PMS2: variants seen among roughly 807,000 people sequenced by gnomAD.
PMS2 encodes PMS1 homolog 2, mismatch repair system component.
A neutral mutation model predicts 90.0 loss-of-function variants in PMS2; 69 were observed. The ratio of observed to expected loss-of-function variants is 0.77; its 90% CI spans 0.63 to 0.94. The LOEUF (loss-of-function observed/expected upper bound fraction) is 0.94. Ranked by LOEUF, PMS2 falls within the 40% of genes least tolerant of loss-of-function variation. The pLI is 0.00. For synonymous variants in PMS2, 332 were observed against 375.1 expected, an observed-to-expected ratio of 0.89 and a Z score of 1.33; for missense variants, 966 against 1,040.2, an observed-to-expected ratio of 0.93 and a Z score of 0.98.
At chr7:5,978,833 T>C (rs1406829276) in intron 12 of PMS2, 137 bp from the exon 13 acceptor site, 2 of 1,116,446 alleles carry the variant, frequency 1.8e-6, no homozygotes, top group African/African-American at 1.6e-5. Flanking sequence ...ACTACTCAGC[T>C]AAGTGTCACA....
chr7:5,987,092 G>T lies in PMS2; in HGVS notation c.1673C>A (p.Thr558Asn), dbSNP rs114037612. The T allele has an allele frequency of 1.9e-6, 3 of 1,614,102 alleles. No homozygotes were observed. The highest frequency in any genetic ancestry group is 1.7e-5 in the Admixed American group (1 of 59,998). ...AGGCAAAACTCGAAATTTACATCCG[G>T]TATCTTCCTGGTTTGAATGGCAGTC... The part of the protein sequence containing the change: ...DVDCHSNQED[T>N]GCKFRVLPQP... The change falls in exon 11 of 15, where the codon ACC becomes AAC. Residue 558 changes from threonine to asparagine, a missense_variant. By Grantham distance (65) the Thr-to-Asn change is moderately conservative (BLOSUM62 0). Coordinates refer to ENST00000265849, the MANE Select transcript of PMS2 (RefSeq NM_000535.7).
intron 6 of PMS2, among the ~76,000 whole-genome samples, chr7:5,997,969 A>T (rs1365991992): frequency 2.0e-5 from 3 of 151,976 alleles, no homozygotes; most frequent in African/African-American, 2.4e-5. Flanking sequence ...ACAATAACTT[A>T]TATTTTTTTC....
In PMS2 at chr7:5,995,572, A is replaced by C. The variant is rs771787834; in HGVS notation, c.865T>G (p.Phe289Val). Residue 289 changes from phenylalanine (F) to valine (V), a missense_variant, in exon 8 of 15, where the codon TTT (phenylalanine) becomes GTT (valine). By Grantham distance (50) the Phe-to-Val change is conservative. Transcript: ENST00000265849. ...CAAGGCCGCCGGTTGATAAAGAAAA[A>C]CTGTCTGTCTGTTGAACTCCTTCCA... The part of the protein sequence containing the change: ...GVGRSSTDRQ[F>V]FFINRRPCDP... 1.2e-6 allele frequency: 2 copies of C among 1,614,008 alleles called. No individual in the cohort carries two copies. The highest frequency in any genetic ancestry group is 1.7e-6 in the Non-Finnish European group (2 of 1,179,930).
chr7:6,007,375 C>CA (rs1195406985), intron 1 of PMS2, among the ~76,000 whole-genome samples: 1 of 152,124 alleles, frequency 6.6e-6, no homozygotes, highest in Non-Finnish European at 1.5e-5. Flanking sequence ...CTCGGCCTCC[C>CA]AAAGTGCTAG....
chr7:5,994,491 C>T (rs1052454566), intron 8 of PMS2, among the ~76,000 whole-genome samples: 2 of 150,928 alleles, frequency 1.3e-5, no homozygotes, highest in African/African-American at 2.4e-5. Context: ...AATATTGTAT[C>T]TGCTGGGCGC....
chr7:5,988,864 C>T lies in PMS2; in HGVS notation c.1144+936G>A, dbSNP rs572619055. On this transcript the variant is annotated intron_variant, in intron 10 of 14. Transcript: ENST00000265849. ...TTTTGGGTTTTTTTTGTTTGTTTGT[C>T]TGTTTTTTTGAGACGGAGTCTCGCT... 9.2e-4 allele frequency among the ~76,000 whole-genome samples: 139 copies of T among 151,440 alleles called. 1 individual carries two copies. Among genetic ancestry groups the T allele is most frequent in the African/African-American group, 3.3e-3 (137 of 41,462 alleles).
In PMS2 at chr7:5,989,969, G is replaced by T. The variant is rs1554298839; in HGVS notation, c.989-14C>A. On this transcript the variant is annotated splice_polypyrimidine_tract_variant and intron_variant, in intron 9 of 14. Transcript: ENST00000265849. ...TATCAACGCATTCTAAGGCAAAAAA[G>T]AAAACATATTTATTATGTTTAAATT... 1.3e-6 allele frequency: 2 copies of T among 1,521,770 alleles called. No individual in the cohort carries two copies. The highest frequency in any genetic ancestry group is 1.4e-5 in the African/African-American group (1 of 73,076). The allele number at this position is 1,521,770 out of a possible 1,614,324, so 94.3% of individuals were successfully genotyped here.
chr7:5,995,328 C>T (rs189940318), intron 8 of PMS2, among the ~76,000 whole-genome samples: 10 of 152,190 alleles, frequency 6.6e-5, no homozygotes, highest in African/African-American at 2.4e-4. Flanking sequence ...TGAGCCACTG[C>T]GCCCGGACAG....
intron 8 of PMS2, among the ~76,000 whole-genome samples, chr7:5,993,239 C>T (rs1351105573): frequency 2.0e-5 from 3 of 152,024 alleles, no homozygotes; most frequent in Middle Eastern, 3.4e-3. Flanking sequence ...GGCATGGCAG[C>T]ATGTGCCTAT....
At chr7:6,000,260 G>C (rs912014719) in intron 5 of PMS2, among the ~76,000 whole-genome samples, 6 of 151,708 alleles carry the variant, frequency 4.0e-5, no homozygotes, top group Non-Finnish European at 2.9e-5. Flanking sequence ...TGGAGTCCCA[G>C]CTACTTGGGA....
chr7:5,980,746 T>G (rs1782198857), intron 12 of PMS2, among the ~76,000 whole-genome samples: 2 of 122,116 alleles, frequency 1.6e-5, no homozygotes, highest in Non-Finnish European at 3.4e-5. Context: ...GGCGAAAGAG[T>G]GAAACTCTGT....
intron 12 of PMS2, among the ~76,000 whole-genome samples, chr7:5,981,773 C>G (rs1583294705): frequency 6.6e-6 from 1 of 151,758 alleles, no homozygotes; most frequent in East Asian, 1.9e-4. Context: ...GGGCAGGTTA[C>G]TCAACCTCTC....
At chr7:5,994,520 T>A (rs1005578280) in intron 8 of PMS2, among the ~76,000 whole-genome samples, 1 of 152,028 alleles carries the variant, frequency 6.6e-6, no homozygotes, top group Non-Finnish European at 1.5e-5. Flanking sequence ...ACACCTGTAA[T>A]TCCAGCACTT....
At chr7:5,983,088 A>G (rs1180383425) in intron 11 of PMS2, 97 bp from the exon 12 acceptor site, 1 of 1,527,386 alleles carries the variant, frequency 6.5e-7, no homozygotes, top group East Asian at 2.4e-5. Context: ...AAACAATACA[A>G]AAACAAAATA....
rs373114291 is a variant in PMS2 at position 5,987,345 on chromosome 7, C to A, written c.1420G>T (p.Ala474Ser). ...CTGGGTCCGTGACTGGAACTCACTG[C>A]CTCTTTCTGAGGTCTCAGGACGCCT... ...DKGVLRPQKE[A>S]VSSSHGPSDP... is the part of the protein sequence containing the mutation. The change falls in exon 11 of 15, where the codon GCA becomes TCA. Residue 474 changes from alanine to serine, a missense_variant. Ala to Ser is a moderately conservative substitution (Grantham distance 99). Transcript: ENST00000265849. 9.7e-5 allele frequency: 157 copies of A among 1,614,034 alleles called. No individual in the cohort carries two copies. The highest frequency in any genetic ancestry group is 1.3e-4 in the Non-Finnish European group (152 of 1,180,042).
intron 6 of PMS2, among the ~76,000 whole-genome samples, chr7:5,997,723 A>AT (rs1329394417): frequency 6.6e-6 from 1 of 151,800 alleles, no homozygotes; most frequent in Non-Finnish European, 1.5e-5. Context: ...TAATTTTTTA[A>AT]TTTTTTTGTA....
At chr7:6,003,815 G>A (rs2128828058) in intron 3 of PMS2, 23 bp from the exon 4 acceptor site, 2 of 1,482,280 alleles carry the variant, frequency 1.3e-6, no homozygotes, top group Non-Finnish European at 1.9e-6. Context: ...GTAAAGTAAG[G>A]ACTAAGATAT....
At position 5,989,905 on chromosome 7, in the gene PMS2, C is replaced by T. The variant is rs2128748353; in HGVS notation, c.1039G>A (p.Glu347Lys). The T allele has an allele frequency of 6.2e-7, 1 of 1,611,800 alleles. No homozygotes were observed. The highest frequency in any genetic ancestry group is 8.5e-7 in the Non-Finnish European group (1 of 1,178,338). Reference protein sequence around the residue: ...TPDKRQILLQEEKLLLAVLKT... With the variant: ...TPDKRQILLQKEKLLLAVLKT... ...AAAACTGCCAACAAAAGCTTTTCCT[C>T]TTGTAGCAAAATTTGCCTTTTATCT... The change falls in exon 10 of 15, where the codon GAG becomes AAG. Residue 347 changes from glutamate to lysine, a missense_variant. Coordinates refer to ENST00000265849, the MANE Select transcript of PMS2 (RefSeq NM_000535.7).
At chr7:5,996,064 G>T (rs1055868951) in intron 7 of PMS2, among the ~76,000 whole-genome samples, 1 of 152,076 alleles carries the variant, frequency 6.6e-6, no homozygotes, top group African/African-American at 2.4e-5. Flanking sequence ...CGGGTAGGAC[G>T]CTTATATCTC....
Sources: allele counts gnomAD v4.1 joint callset (sites outside exome capture counted in the v4.1 genomes callset), GRCh38; gene constraint gnomAD v4.1.1; transcripts MANE v1.5; gene names NCBI Gene and HGNC (gene_info 2026-07-23, HGNC 2026-07-21).